PZP: variants seen among roughly 807,000 people sequenced by gnomAD.
The protein encoded by PZP is PZP alpha-2-macroglobulin like, also known as pregnancy zone protein.
PZP carries 150 observed loss-of-function variants against 179.8 expected under a neutral mutation model. That is an observed-to-expected ratio of 0.83 (90% CI 0.73 to 0.96). The LOEUF (loss-of-function observed/expected upper bound fraction) is 0.96. Ranked by LOEUF, PZP falls within the 40% of genes least tolerant of loss-of-function variation. The pLI is 0.00. For synonymous variants in PZP, 624 were observed against 652.3 expected, an observed-to-expected ratio of 0.96 and a Z score of 0.66; for missense variants, 1,689 against 1,764.0, an observed-to-expected ratio of 0.96 and a Z score of 0.76.
intron 13 of PZP, among the ~76,000 whole-genome samples, chr12:9,183,573 A>G (rs1015524271): frequency 1.4e-4 from 21 of 151,998 alleles, no homozygotes; most frequent in African/African-American, 3.9e-4. Context: ...CTAATTTTTT[A>G]TATATTTTTG....
chr12:9,163,785 A>G lies in PZP; in HGVS notation c.2619T>C (p.Asn873=), dbSNP rs201254118. ...CCTCTGCACTCACTGAGAAGTTCAC[A>G]TTCCCTAAAACAAGGAATATTGAAA... ...SWTVTPKTLG[N]VNFSVSAEAM... Residue 873 remains asparagine (N), a synonymous_variant, in exon 21 of 36, where the codon AAT becomes AAC. Transcript: ENST00000261336. 2 of 1,611,776 alleles carry G rather than the reference A, an allele frequency of 1.2e-6. No individual in the cohort carries two copies. Among genetic ancestry groups the G allele is most frequent in the African/African-American group, 1.3e-5 (1 of 74,894 alleles).
At position 9,197,139 on chromosome 12, in the gene PZP, T is replaced by C. The variant is rs139379566; in HGVS notation, c.756-16A>G. ...ATAAGTGTATCTGGTACATGAGAAA[T>C]AAATCAGGAATTGAGAATGGCTGTT... On this transcript the variant is annotated splice_polypyrimidine_tract_variant and intron_variant, in intron 7 of 35. Transcript: ENST00000261336. The C allele has an allele frequency of 6.2e-5, 95 of 1,542,620 alleles. No homozygotes were observed. The East Asian group carries it at 2.1e-3, about 35-fold the overall frequency.
At chr12:9,193,996 T>A in intron 11 of PZP, 81 bp downstream of exon 11, 2 of 1,284,746 alleles carry the variant, frequency 1.6e-6, no homozygotes, top group Middle Eastern at 2.2e-4. Context: ...TACTCTTAAA[T>A]GCAATCTGTA....
intron 13 of PZP, among the ~76,000 whole-genome samples, chr12:9,182,936 G>C (rs1942865661): frequency 6.6e-6 from 1 of 152,126 alleles, no homozygotes; most frequent in South Asian, 2.1e-4. Context: ...TCCTGTCCCA[G>C]ATTCCCAGCT....
chr12:9,200,311 C>G, intron 7 of PZP, 53 bp downstream of exon 7: 1 of 1,261,906 alleles, frequency 7.9e-7, no homozygotes, highest in Non-Finnish European at 1.1e-6. Context: ...CCTACATAAT[C>G]CCTCAAAATT....
chr12:9,150,071 G>A (rs1940231210), intron 34 of PZP, among the ~76,000 whole-genome samples: 1 of 152,114 alleles, frequency 6.6e-6, no homozygotes. Context: ...TGCTGTTTTT[G>A]CCTCTCAAAC....
rs775037382 is a variant in PZP at position 9,182,710 on chromosome 12, G to A, written c.1547-593C>T. On this transcript the variant is annotated intron_variant, in intron 13 of 35. Coordinates refer to ENST00000261336, the MANE Select transcript of PZP (RefSeq NM_002864.3). ...AAAATACTTTACATTTTAAAGCAGGGTGAAGGGCCACCAGGTAGCTACAAA... is the reference window on the plus strand; with the variant it reads ...AAAATACTTTACATTTTAAAGCAGGATGAAGGGCCACCAGGTAGCTACAAA... 2.0e-5 allele frequency among the ~76,000 whole-genome samples: 3 copies of A among 152,302 alleles called. No homozygotes were observed. The South Asian group carries it at 6.2e-4, about 32-fold the overall frequency.
At chr12:9,172,035 AATC>A (rs1315000847) in intron 15 of PZP, among the ~76,000 whole-genome samples, 2 of 152,146 alleles carry the variant, frequency 1.3e-5, no homozygotes, top group Non-Finnish European at 2.9e-5. Flanking sequence ...AAAGACACAA[AATC>A]ATCAGATTCT....
the PZP span, among the ~76,000 whole-genome samples, chr12:9,140,235 G>A: frequency 2.0e-5 from 3 of 152,210 alleles, no homozygotes; most frequent in African/African-American, 7.2e-5. Context: ...ATTAGGCAGG[G>A]TAAGAACATT....
rs181382166 is a variant in PZP, at chr12:9,200,455, A to C, written c.671-7T>G. ...ACCTCAAACTTGGGAAGCACTGTTA[A>C]TAGAGATAATAGGAATAAGGAAGGT... On this transcript the variant is annotated splice_polypyrimidine_tract_variant and splice_region_variant and intron_variant, in intron 6 of 35. Coordinates refer to ENST00000261336, the MANE Select transcript of PZP (RefSeq NM_002864.3). 1 of 1,579,608 alleles carries C rather than the reference A, an allele frequency of 6.3e-7. No individual in the cohort carries two copies. The highest frequency in any genetic ancestry group is 2.2e-5 in the East Asian group (1 of 44,666).
chr12:9,182,161 A>AAAATGGTCATAAGTGAGACG (rs1182039222), intron 13 of PZP, 44 bp from the exon 14 acceptor site: 3 of 1,574,526 alleles, frequency 1.9e-6, no homozygotes, highest in Admixed American at 3.6e-5. Flanking sequence ...TAAGTGAGAC[A>AAAATGGTCATAAGTGAGACG]AAAAGGTCAT....
downstream of PZP, among the ~76,000 whole-genome samples, chr12:9,146,184 A>G (rs1295478827): frequency 1.3e-5 from 2 of 151,948 alleles, no homozygotes; most frequent in Non-Finnish European, 2.9e-5. Flanking sequence ...ATGGTGCTAC[A>G]TAAGTTCCTT....
At position 9,159,310 on chromosome 12, in the gene PZP, C is replaced by T. The variant is rs773055121; in HGVS notation, c.3137+628G>A. Among the ~76,000 whole-genome samples, 4 of 152,242 alleles carry T rather than the reference C, an allele frequency of 2.6e-5. No individual in the cohort carries two copies. The South Asian group carries it at 8.3e-4, about 32-fold the overall frequency. On this transcript the variant is annotated intron_variant, in intron 25 of 35. Coordinates refer to ENST00000261336, the MANE Select transcript of PZP (RefSeq NM_002864.3). ...TTTGCCACTTATTAGATGTTTGCTC[C>T]TGACACATTTATTTATCCACACTGA... is the stretch of plus-strand genomic sequence containing the variant.
chr12:9,149,296 A>G (rs563695423), intron 35 of PZP, among the ~76,000 whole-genome samples: 107 of 152,364 alleles, frequency 7.0e-4, no homozygotes, highest in Non-Finnish European at 1.1e-3. Context: ...AGGAAGCCCA[A>G]TTAGCTGTGA....
At chr12:9,142,548 T>C in the PZP span, among the ~76,000 whole-genome samples, 57 of 152,360 alleles carry the variant, frequency 3.7e-4, 2 homozygotes, top group African/African-American at 1.3e-3. Flanking sequence ...CTTTTACTTT[T>C]CCTCTAAAAA....
At chr12:9,145,923 C>G (rs1285026203), downstream of PZP, among the ~76,000 whole-genome samples, 3 of 152,142 alleles carry the variant, frequency 2.0e-5, no homozygotes. Context: ...TATCAGGCAT[C>G]TTGTCTATCT....
chr12:9,173,679 A>G (rs1942160357), intron 15 of PZP, among the ~76,000 whole-genome samples: 2 of 152,218 alleles, frequency 1.3e-5, no homozygotes, highest in South Asian at 4.1e-4. Flanking sequence ...GCAAACAACC[A>G]TCCGCAAATA....
intron 1 of PZP, among the ~76,000 whole-genome samples, chr12:9,204,426 G>T (rs1944345901): frequency 6.6e-6 from 1 of 152,126 alleles, no homozygotes; most frequent in South Asian, 2.1e-4. Context: ...TAGATTTACA[G>T]AAATTCAACT....
At position 9,163,848 on chromosome 12, in the gene PZP, G is replaced by C. The variant is rs915078497; in HGVS notation, c.2615-59C>G. 1.7e-5 allele frequency: 26 copies of C among 1,547,108 alleles called. No individual in the cohort carries two copies. In the South Asian group the frequency reaches 2.8e-4, roughly 17 times the overall value. On this transcript the variant is annotated intron_variant, in intron 20 of 35. Coordinates refer to ENST00000261336, the MANE Select transcript of PZP (RefSeq NM_002864.3). ...ACTTTGATAGTCCAATCACCTTTAA[G>C]GGCTGCACCTTAAACTTATAGTTGT...
Sources: gnomAD v4.1 joint callset for allele counts (sites outside exome capture counted in the v4.1 genomes callset) on GRCh38, gnomAD v4.1.1 for gene constraint, MANE v1.5 for transcripts, NCBI Gene and HGNC (gene_info 2026-07-23, HGNC 2026-07-21) for gene names.